Variants in CEP68 observed in about 807,000 individuals in gnomAD.
CEP68 encodes the protein centrosomal protein of 68 kDa.
A neutral mutation model predicts 55.3 loss-of-function variants in CEP68; 26 were observed. That is an observed-to-expected ratio of 0.47 (90% CI 0.34 to 0.65). The LOEUF is 0.65. Among genes scored for constraint, CEP68 ranks in the 30% least tolerant of loss-of-function variants. The probability of loss-of-function intolerance (pLI) is 0.01; values close to 1 mark genes in which losing one functional copy is unlikely to be tolerated. For missense variants in CEP68, 957 were observed against 946.7 expected, an observed-to-expected ratio of 1.01 and a Z score of -0.14; for synonymous variants, 402 against 383.2, an observed-to-expected ratio of 1.05 and a Z score of -0.57.
chr2:65,083,479 G>T (rs1328287662), intron 6 of CEP68, among the ~76,000 whole-genome samples, 160 bp from the exon 7 acceptor site: 1 of 152,224 alleles, frequency 6.6e-6, no homozygotes, highest in African/African-American at 2.4e-5. Flanking sequence ...GATTTTCTAG[G>T]TGAGCACTAT....
Position 65,086,534 on chromosome 2 carries a change from A to G in CEP68, c.*2900A>G, listed in dbSNP as rs763235709. On this transcript the variant is annotated 3_prime_UTR_variant, in exon 7 of 7. Transcript: ENST00000377990. ...GGAAAAGAACGCTGGAATTTTCCAA[A>G]CTTAAGTCTGTAAATATGCTCATCT... The G allele has an allele frequency of 4.6e-5, 7 of 152,230 alleles. No homozygotes were observed. The highest frequency in any genetic ancestry group is 1.0e-4 in the Non-Finnish European group (7 of 68,028). The allele number at this position is 152,230 out of a possible 1,614,324, so 9.4% of individuals were successfully genotyped here. A position where few individuals can be genotyped will look rare whatever the true frequency, so the allele number is the denominator to read the frequency against.
In CEP68 at chr2:65,072,483, C is replaced by G. The variant is rs780240720; in HGVS notation, c.1387C>G (p.Pro463Ala). ...EKRTSQSARRPTCTESRWKSE... is the reference protein window; with the variant it reads ...EKRTSQSARRATCTESRWKSE... The stretch of plus-strand genomic sequence containing the variant: ...GAGGACCAGCCAGAGTGCCCGGCGC[C>G]CTACCTGCACAGAGTCTAGGTGGAA... The change falls in exon 3 of 7, where the codon CCT becomes GCT. Residue 463 changes from proline (P) to alanine (A), a missense_variant. Transcript: ENST00000377990. The G allele has an allele frequency of 9.9e-6, 16 of 1,613,950 alleles. No individual in the cohort carries two copies. The highest frequency in any genetic ancestry group is 1.3e-5 in the African/African-American group (1 of 74,906).
intron 5 of CEP68, among the ~76,000 whole-genome samples, chr2:65,078,412 G>T (rs916976855): frequency 6.6e-6 from 1 of 152,174 alleles, no homozygotes; most frequent in African/African-American, 2.4e-5. Flanking sequence ...AGTTGTTTCA[G>T]AAAAGGATTG....
intron 4 of CEP68, among the ~76,000 whole-genome samples, chr2:65,076,716 A>G (rs148266174): frequency 0.013 from 1,947 of 152,262 alleles, 23 homozygotes; most frequent in South Asian, 0.039. Context: ...TATCAGGGTA[A>G]AGGAAAACTG....
rs116576566 is a variant in CEP68 at position 65,073,075 on chromosome 2, A to G, written c.1884+95A>G. On this transcript the variant is annotated intron_variant, in intron 3 of 6. Coordinates refer to ENST00000377990, the MANE Select transcript of CEP68 (RefSeq NM_015147.3). The stretch of plus-strand genomic sequence containing the variant: ...ATAATAAAACATGTTCATGTTGACC[A>G]GGCACTTTTTATGTGCCAGGCATTG... The G allele has an allele frequency of 2.2e-3, 3,146 of 1,399,270 alleles. 51 individuals carry two copies. The African/African-American group carries it at 0.038, about 17-fold the overall frequency. The allele number at this position is 1,399,270 out of a possible 1,614,324, so 86.7% of individuals were successfully genotyped here. A position where few individuals can be genotyped will look rare whatever the true frequency, so the allele number is the denominator to read the frequency against.
chr2:65,073,108 C>T (rs1676581028), intron 3 of CEP68, 128 bp downstream of exon 3: 1 of 1,015,246 alleles, frequency 9.8e-7, no homozygotes, highest in Non-Finnish European at 1.5e-6. Context: ...TTGTGCTGTA[C>T]CTTATCTTAT....
intron 1 of CEP68, among the ~76,000 whole-genome samples, chr2:65,058,114 G>A (rs990855005): frequency 6.6e-6 from 1 of 152,196 alleles, no homozygotes. Flanking sequence ...GCAGTCGTTA[G>A]GAGAAAAATA....
chr2:65,059,583 T>C (rs747517817), intron 1 of CEP68, among the ~76,000 whole-genome samples: 8 of 152,170 alleles, frequency 5.3e-5, no homozygotes, highest in Non-Finnish European at 1.0e-4. Flanking sequence ...TCTAATGTCC[T>C]GTTGCAAAGG....
In CEP68 at chr2:65,086,847, C is replaced by T. The variant is rs1669042349; in HGVS notation, c.*3213C>T. On this transcript the variant is annotated 3_prime_UTR_variant, in exon 7 of 7. Transcript: ENST00000377990. The stretch of plus-strand genomic sequence containing the variant: ...AGGATGAATAGATCCACCAAGCACG[C>T]CTATAATACAAAGTAAACTATGATT... 6.6e-6 allele frequency: 1 copy of T among 152,528 alleles called. No individual in the cohort carries two copies. Among genetic ancestry groups the T allele is most frequent in the Admixed American group, 6.6e-5 (1 of 15,266 alleles). 9.4% of individuals were successfully genotyped at this position (152,528 alleles called of 1,614,324 possible).
chr2:65,065,749 A>G (rs1009426850), intron 1 of CEP68, among the ~76,000 whole-genome samples: 2 of 152,112 alleles, frequency 1.3e-5, no homozygotes, highest in African/African-American at 4.8e-5. Flanking sequence ...AGGGCGGATC[A>G]TTTGAGGTCA....
At chr2:65,073,461 A>C in intron 3 of CEP68, 1 of 227,042 alleles carries the variant, frequency 4.4e-6, no homozygotes, top group Non-Finnish European at 8.8e-6. Context: ...ACTGTTGCCT[A>C]GACTTTGTGG....
rs543760181 is a variant in CEP68, at chr2:65,062,158, G to C, written c.-47+5630G>C. The stretch of plus-strand genomic sequence containing the variant: ...GCTGGCACAGGTGACTGTGCGCTCA[G>C]GTAAGAGACGAGCCCTTGCCAGAAC... On this transcript the variant is annotated intron_variant, in intron 1 of 6. Coordinates refer to ENST00000377990, the MANE Select transcript of CEP68 (RefSeq NM_015147.3). 2.6e-5 allele frequency among the ~76,000 whole-genome samples: 4 copies of C among 152,298 alleles called. No homozygotes were observed. In the East Asian group the frequency reaches 7.7e-4, roughly 29 times the overall value.
chr2:65,080,607 C>A, intron 5 of CEP68: 1 of 909,524 alleles, frequency 1.1e-6, no homozygotes, highest in Non-Finnish European at 1.3e-6. Flanking sequence ...CACCTGAGGG[C>A]AGGAGTTCAA....
Position 65,084,488 on chromosome 2 carries a change from C to T in CEP68, c.*854C>T, listed in dbSNP as rs951909343. The T allele has an allele frequency of 2.0e-5, 3 of 150,174 alleles. No individual in the cohort carries two copies. The Admixed American group carries it at 2.0e-4, about 10-fold the overall frequency. The allele number at this position is 150,174 out of a possible 1,614,324, so 9.3% of individuals were successfully genotyped here. On this transcript the variant is annotated 3_prime_UTR_variant, in exon 7 of 7. Transcript: ENST00000377990. ...TAGTGAAGGAAAAAGGGGAATTCTTCGTTGCTTTGGCATTGACACATAAGT... is the reference window on the plus strand; with the variant it reads ...TAGTGAAGGAAAAAGGGGAATTCTTTGTTGCTTTGGCATTGACACATAAGT...
chr2:65,079,428 T>C (rs1676906432), intron 5 of CEP68, among the ~76,000 whole-genome samples: 1 of 152,192 alleles, frequency 6.6e-6, no homozygotes, highest in South Asian at 2.1e-4. Context: ...GAAAAATCTC[T>C]AGGGTTGAGA....
At position 65,086,435 on chromosome 2, in the gene CEP68, T is replaced by G. The variant is rs1669029660; in HGVS notation, c.*2801T>G. ...TATATATTTTTTCCAGAACCACATTTATTGGCGTATACATAGAAGCAAATC... is the reference window on the plus strand; with the variant it reads ...TATATATTTTTTCCAGAACCACATTGATTGGCGTATACATAGAAGCAAATC... On this transcript the variant is annotated 3_prime_UTR_variant, in exon 7 of 7. Transcript: ENST00000377990. 1 of 152,226 alleles carries G rather than the reference T, an allele frequency of 6.6e-6. No homozygotes were observed. Among genetic ancestry groups the G allele is most frequent in the Non-Finnish European group, 1.5e-5 (1 of 68,038 alleles). The allele number at this position is 152,226 out of a possible 1,614,324, so 9.4% of individuals were successfully genotyped here.
Position 65,072,658 on chromosome 2 carries a change from T to C in CEP68, c.1562T>C (p.Val521Ala). The C allele has an allele frequency of 6.2e-7, 1 of 1,614,144 alleles. No homozygotes were observed. Among genetic ancestry groups the C allele is most frequent in the Non-Finnish European group, 8.5e-7 (1 of 1,180,000 alleles). Residue 521 changes from valine to alanine, a missense_variant, in exon 3 of 7, where the codon GTG becomes GCG. By Grantham distance (64) the Val-to-Ala change is moderately conservative. Transcript: ENST00000377990. ...ATCAAAGGGCAGAGCCCCTTGGAAG[T>C]GTCAGACAGTGATGGGCCAGCTTCC... is the stretch of plus-strand genomic sequence containing the variant. ...GDIKGQSPLE[V>A]SDSDGPASFP...
In CEP68 at chr2:65,072,517, A is replaced by G. The variant is rs1558563225; in HGVS notation, c.1421A>G (p.Glu474Gly). ...TCTESRWKSE[E>G]EVESDDEYLA... ...ACAGAGTCTAGGTGGAAATCAGAAG[A>G]GGAAGTGGAAAGTGATGACGAGTAT... The change falls in exon 3 of 7, where the codon GAG (glutamate) becomes GGG (glycine). Residue 474 changes from glutamate to glycine, a missense_variant. Physicochemically the swap from Glu to Gly is moderately conservative, Grantham distance 98. Transcript: ENST00000377990. The G allele has an allele frequency of 1.9e-6, 3 of 1,614,056 alleles. No homozygotes were observed. Among genetic ancestry groups the G allele is most frequent in the Non-Finnish European group, 2.5e-6 (3 of 1,180,002 alleles).
chr2:65,060,535 G>C (rs1675863094), intron 1 of CEP68, among the ~76,000 whole-genome samples: 1 of 151,982 alleles, frequency 6.6e-6, no homozygotes, highest in East Asian at 1.9e-4. Context: ...TTTGAGACCA[G>C]TCCGGGCAAC....
Sources: gnomAD v4.1 joint callset for allele counts (sites outside exome capture counted in the v4.1 genomes callset) on GRCh38, gnomAD v4.1.1 for gene constraint, MANE v1.5 for transcripts, NCBI Gene and HGNC (gene_info 2026-07-23, HGNC 2026-07-21) for gene names.